Variants in SDK1 observed in about 807,000 individuals in gnomAD.
SDK1 encodes protein sidekick-1.
A neutral mutation model predicts 245.5 loss-of-function variants in SDK1; 157 were observed. The observed-to-expected ratio is 0.64, with a 90% CI of 0.56 to 0.73. SDK1 has a LOEUF of 0.73. SDK1 is among the 30% of genes least tolerant of loss of function. The pLI is 0.00. For missense variants in SDK1, 3,583 were observed against 3,002.3 expected (o/e 1.19, Z -4.52); for synonymous variants, 1,647 against 1,278.5 (o/e 1.29, Z -6.15).
chr7:3,571,599 T>C (rs1255108755), intron 1 of SDK1, among the ~76,000 whole-genome samples: 2 of 152,120 alleles, frequency 1.3e-5, no homozygotes, highest in Non-Finnish European at 2.9e-5. Context: ...CCACGACATC[T>C]GGCCTGAAAG....
At chr7:3,443,935 T>C (rs1468344902) in intron 1 of SDK1, among the ~76,000 whole-genome samples, 2 of 152,222 alleles carry the variant, frequency 1.3e-5, no homozygotes, top group Admixed American at 1.3e-4. Flanking sequence ...AGAGTGCTAT[T>C]AACAAATGGT....
At chr7:3,742,154 C>G (rs1393571707) in intron 4 of SDK1, among the ~76,000 whole-genome samples, 1 of 150,770 alleles carries the variant, frequency 6.6e-6, no homozygotes, top group South Asian at 2.1e-4. Context: ...TTTTTACCCC[C>G]ATTTCTTTGC....
At chr7:4,175,282 G>C (rs958055777) in intron 33 of SDK1, among the ~76,000 whole-genome samples, 1 of 152,246 alleles carries the variant, frequency 6.6e-6, no homozygotes, top group Non-Finnish European at 1.5e-5. Context: ...CCACCAGACA[G>C]TTGGCATCTC....
At chr7:3,447,518 C>T (rs1019511976) in intron 1 of SDK1, among the ~76,000 whole-genome samples, 4 of 152,064 alleles carry the variant, frequency 2.6e-5, no homozygotes, top group African/African-American at 9.7e-5. Flanking sequence ...CCACCCCATT[C>T]TTCTAGGACA....
At chr7:4,120,928 T>TAAA (rs546508577) in intron 25 of SDK1, among the ~76,000 whole-genome samples, 11 of 149,234 alleles carry the variant, frequency 7.4e-5, no homozygotes, top group South Asian at 6.4e-4. Flanking sequence ...GAACACTCTT[T>TAAA]TAAAAAAAAA....
At chr7:3,419,132 G>C (rs1583829437) in intron 1 of SDK1, among the ~76,000 whole-genome samples, 1 of 152,216 alleles carries the variant, frequency 6.6e-6, no homozygotes, top group Non-Finnish European at 1.5e-5. Flanking sequence ...AACCTGTGTT[G>C]TTCAAGGGTC....
chr7:3,520,214 A>T (rs371155287), intron 1 of SDK1, among the ~76,000 whole-genome samples: 2 of 152,126 alleles, frequency 1.3e-5, no homozygotes, highest in Non-Finnish European at 2.9e-5. Context: ...TGTAAGTGAC[A>T]TGGTTTAAGG....
intron 19 of SDK1, among the ~76,000 whole-genome samples, chr7:4,058,016 A>C (rs1157579381): frequency 6.6e-6 from 1 of 152,230 alleles, no homozygotes; most frequent in Non-Finnish European, 1.5e-5. Flanking sequence ...GAAGTATAAC[A>C]CTTCCAAAGG....
intron 8 of SDK1, among the ~76,000 whole-genome samples, chr7:3,962,046 T>G (rs1023139075): frequency 2.6e-5 from 4 of 151,930 alleles, no homozygotes; most frequent in Non-Finnish European, 5.9e-5. Flanking sequence ...TATACACACA[T>G]GTACACGTGC....
chr7:3,926,439 T>C (rs1289068267), intron 5 of SDK1, among the ~76,000 whole-genome samples: 1 of 152,224 alleles, frequency 6.6e-6, no homozygotes, highest in African/African-American at 2.4e-5. Context: ...CTGGGATTGG[T>C]TAGAGTGAAA....
At chr7:3,968,874 A>C (rs1782270210) in intron 10 of SDK1, among the ~76,000 whole-genome samples, 1 of 152,256 alleles carries the variant, frequency 6.6e-6, no homozygotes, top group African/African-American at 2.4e-5. Flanking sequence ...GGCAATTTAC[A>C]AAGAAAAGAG....
intron 1 of SDK1, among the ~76,000 whole-genome samples, chr7:3,512,630 C>A (rs912033905): frequency 6.6e-6 from 1 of 152,132 alleles, no homozygotes; most frequent in South Asian, 2.1e-4. Context: ...TTGGTGTTGT[C>A]TGGATTTTGG....
intron 4 of SDK1, among the ~76,000 whole-genome samples, chr7:3,684,422 T>G (rs1784211964): frequency 6.6e-6 from 1 of 152,230 alleles, no homozygotes; most frequent in Non-Finnish European, 1.5e-5. Flanking sequence ...GAGGAGTCAG[T>G]GCTTCCCTTT....
intron 35 of SDK1, among the ~76,000 whole-genome samples, chr7:4,182,217 G>C (rs1782641428): frequency 6.6e-6 from 1 of 152,110 alleles, no homozygotes; most frequent in South Asian, 2.1e-4. Flanking sequence ...AGGAGCGGCT[G>C]CCACTGCCCC....
At chr7:3,796,057 G>A (rs932939664) in intron 4 of SDK1, among the ~76,000 whole-genome samples, 2 of 152,178 alleles carry the variant, frequency 1.3e-5, no homozygotes, top group East Asian at 1.9e-4. Context: ...CGACAATTCT[G>A]TGTAGTCTTT....
chr7:3,327,511 T>C (rs1328751801), intron 1 of SDK1, among the ~76,000 whole-genome samples: 1 of 152,164 alleles, frequency 6.6e-6, no homozygotes, highest in East Asian at 1.9e-4. Flanking sequence ...TTACTTCACA[T>C]ACCCATCTCT....
At chr7:3,886,356 C>T (rs1781338863) in intron 5 of SDK1, among the ~76,000 whole-genome samples, 1 of 152,226 alleles carries the variant, frequency 6.6e-6, no homozygotes, top group Admixed American at 6.5e-5. Context: ...CCAGCATGCG[C>T]TGTACGGCTG....
At chr7:3,452,498 A>G (rs145509146) in intron 1 of SDK1, among the ~76,000 whole-genome samples, 5 of 152,338 alleles carry the variant, frequency 3.3e-5, no homozygotes, top group Middle Eastern at 3.4e-3. Flanking sequence ...AAAGCAAGAA[A>G]GTTATGATGA....
At chr7:4,190,910 G>T (rs1350336579) in intron 35 of SDK1, among the ~76,000 whole-genome samples, 1 of 152,204 alleles carries the variant, frequency 6.6e-6, no homozygotes, top group Non-Finnish European at 1.5e-5. Flanking sequence ...AGGGTGGAGG[G>T]CGGGGAGGCT....
Sources: gnomAD v4.1 joint callset for allele counts (sites outside exome capture counted in the v4.1 genomes callset) on GRCh38, gnomAD v4.1.1 for gene constraint, MANE v1.5 for transcripts, NCBI Gene and HGNC (gene_info 2026-07-23, HGNC 2026-07-21) for gene names.